Variants in CACNA2D3 observed in about 807,000 individuals in gnomAD.
CACNA2D3 encodes voltage-dependent calcium channel subunit alpha-2/delta-3.
A neutral mutation model predicts 160.6 loss-of-function variants in CACNA2D3; 60 were observed. That is an observed-to-expected ratio of 0.37 (90% confidence interval 0.30 to 0.46). The LOEUF (loss-of-function observed/expected upper bound fraction) is 0.46. CACNA2D3 is among the 20% of genes least tolerant of loss of function. CACNA2D3 has a pLI of 1.00. For missense variants in CACNA2D3, 1,205 were observed against 1,365.0 expected (o/e 0.88, Z 1.85); for synonymous variants, 558 against 492.9 (o/e 1.13, Z -1.75).
intron 6 of CACNA2D3, among the ~76,000 whole-genome samples, chr3:54,563,153 C>T (rs1397528070): frequency 1.3e-5 from 2 of 152,138 alleles, no homozygotes; most frequent in Non-Finnish European, 2.9e-5. Context: ...TCTGGACCTG[C>T]CCTGTTCTCA....
At chr3:54,940,072 A>C (rs1701429082) in intron 27 of CACNA2D3, among the ~76,000 whole-genome samples, 1 of 152,136 alleles carries the variant, frequency 6.6e-6, no homozygotes, top group Non-Finnish European at 1.5e-5. Flanking sequence ...CAGCCTTCCC[A>C]CTGGACAGCT....
chr3:54,625,025 C>G, intron 9 of CACNA2D3, among the ~76,000 whole-genome samples: 1 of 152,314 alleles, frequency 6.6e-6, no homozygotes, highest in East Asian at 1.9e-4. Flanking sequence ...CCTGGAGGAC[C>G]TGCCATGCAC....
chr3:54,311,541 C>A (rs1703743435), intron 2 of CACNA2D3, among the ~76,000 whole-genome samples: 1 of 152,176 alleles, frequency 6.6e-6, no homozygotes, highest in African/African-American at 2.4e-5. Flanking sequence ...CCTTTCTGTC[C>A]CTGGCCAGAG....
At chr3:54,266,732 G>A (rs1443662714) in intron 2 of CACNA2D3, among the ~76,000 whole-genome samples, 1 of 152,196 alleles carries the variant, frequency 6.6e-6, no homozygotes, top group Non-Finnish European at 1.5e-5. Context: ...TCTTACTTTA[G>A]ATTCCAATTT....
chr3:54,274,212 A>T (rs980163937), intron 2 of CACNA2D3, among the ~76,000 whole-genome samples: 1 of 149,546 alleles, frequency 6.7e-6, no homozygotes, highest in African/African-American at 2.4e-5. Flanking sequence ...AATGATTTCT[A>T]TGCATATATA....
chr3:54,223,851 C>CAAAA (rs60397787), intron 2 of CACNA2D3, among the ~76,000 whole-genome samples: 69 of 96,706 alleles, frequency 7.1e-4, no homozygotes, highest in African/African-American at 2.5e-3. Context: ...GACTCTGTCT[C>CAAAA]AAAAAAAAAA....
chr3:54,491,129 T>C (rs1044251425), intron 4 of CACNA2D3, among the ~76,000 whole-genome samples: 4 of 152,228 alleles, frequency 2.6e-5, no homozygotes, highest in Admixed American at 6.5e-5. Context: ...GGGCACTGGC[T>C]TTGCTGCTGA....
chr3:54,378,671 TCC>T (rs913282826), intron 3 of CACNA2D3, among the ~76,000 whole-genome samples: 8 of 152,284 alleles, frequency 5.3e-5, no homozygotes, highest in Admixed American at 4.6e-4. Flanking sequence ...TCTAAAACAT[TCC>T]CAGGAGAGCT....
intron 9 of CACNA2D3, among the ~76,000 whole-genome samples, chr3:54,591,492 T>A (rs1702857845): frequency 6.6e-6 from 1 of 151,934 alleles, no homozygotes; most frequent in African/African-American, 2.4e-5. Flanking sequence ...ATGAGATAGA[T>A]GTTCCATAGA....
chr3:54,139,194 G>T (rs1437860950), intron 2 of CACNA2D3, among the ~76,000 whole-genome samples: 1 of 152,238 alleles, frequency 6.6e-6, no homozygotes, highest in Non-Finnish European at 1.5e-5. Flanking sequence ...ACCATGAGAT[G>T]GGTGGCACTT....
intron 4 of CACNA2D3, among the ~76,000 whole-genome samples, chr3:54,464,325 G>T (rs1316013417): frequency 6.6e-6 from 1 of 152,210 alleles, no homozygotes; most frequent in Non-Finnish European, 1.5e-5. Flanking sequence ...GGACATTTAA[G>T]TCTGCAGAGG....
intron 2 of CACNA2D3, among the ~76,000 whole-genome samples, chr3:54,169,928 C>G (rs898557107): frequency 1.3e-5 from 2 of 152,106 alleles, no homozygotes; most frequent in African/African-American, 4.8e-5. Flanking sequence ...TGGCTCATGC[C>G]TGTAATCCCC....
At chr3:54,985,628 G>T (rs1056749903) in intron 30 of CACNA2D3, among the ~76,000 whole-genome samples, 13 of 152,104 alleles carry the variant, frequency 8.5e-5, no homozygotes, top group Non-Finnish European at 1.5e-4. Flanking sequence ...TCAAATATTT[G>T]AGTATACTAA....
intron 11 of CACNA2D3, among the ~76,000 whole-genome samples, chr3:54,693,979 CA>C (rs1474564752): frequency 6.6e-6 from 1 of 152,068 alleles, no homozygotes; most frequent in African/African-American, 2.4e-5. Context: ...TGAAGAAATA[CA>C]TTTTAAAAAA....
intron 4 of CACNA2D3, among the ~76,000 whole-genome samples, chr3:54,462,510 A>G (rs1455670856): frequency 6.6e-6 from 1 of 152,046 alleles, no homozygotes; most frequent in East Asian, 1.9e-4. Flanking sequence ...TGTTGAATTG[A>G]TCCCTTTACC....
chr3:54,239,715 G>A (rs1245077473), intron 2 of CACNA2D3, among the ~76,000 whole-genome samples: 1 of 152,196 alleles, frequency 6.6e-6, no homozygotes, highest in Non-Finnish European at 1.5e-5. Context: ...ACTAGCATAG[G>A]AGATAATAAC....
chr3:54,678,751 T>TAAAAAAAAAAAAAA (rs1700289718), intron 11 of CACNA2D3, among the ~76,000 whole-genome samples: 1 of 75,686 alleles, frequency 1.3e-5, no homozygotes, highest in Non-Finnish European at 3.3e-5. Context: ...AAAAAAAAAG[T>TAAAAAAAAAAAAAA]TGATGATCAA....
chr3:55,010,194 T>C (rs78027400), intron 34 of CACNA2D3, among the ~76,000 whole-genome samples: 37,637 of 151,746 alleles, frequency 0.25, 4,708 homozygotes, highest in African/African-American at 0.3. Context: ...TGAGTACACA[T>C]GGACACAAAG....
At chr3:54,736,883 T>C (rs899567149) in intron 11 of CACNA2D3, among the ~76,000 whole-genome samples, 4 of 152,164 alleles carry the variant, frequency 2.6e-5, no homozygotes, top group African/African-American at 9.7e-5. Flanking sequence ...CCTCGGTTTG[T>C]TCAGCTGTTA....
Sources: allele counts gnomAD v4.1 joint callset (sites outside exome capture counted in the v4.1 genomes callset), GRCh38; gene constraint gnomAD v4.1.1; transcripts MANE v1.5; gene names NCBI Gene and HGNC (gene_info 2026-07-23, HGNC 2026-07-21).